DOCK9: variants seen among roughly 807,000 people sequenced by gnomAD.
DOCK9 encodes the protein dedicator of cytokinesis protein 9.
DOCK9 carries 89 observed loss-of-function variants against 263.3 expected under a neutral mutation model. The ratio of observed to expected loss-of-function variants is 0.34; its 90% CI spans 0.28 to 0.40. The LOEUF (loss-of-function observed/expected upper bound fraction) is 0.40, where lower values mean the gene tolerates loss of function less well. Ranked by LOEUF, DOCK9 falls within the 10% of genes least tolerant of loss-of-function variation. The pLI is 1.00. For synonymous variants in DOCK9, 976 were observed against 973.1 expected (o/e 1.00, Z -0.06); for missense variants, 2,140 against 2,603.4 (o/e 0.82, Z 3.87).
intron 15 of DOCK9, among the ~76,000 whole-genome samples, chr13:98,891,679 T>C (rs1236391108): frequency 6.6e-6 from 1 of 152,210 alleles, no homozygotes; most frequent in African/African-American, 2.4e-5. Flanking sequence ...CTATAGTTAT[T>C]TCTTATTCTA....
At chr13:98,997,995 G>A (rs564917072) in intron 1 of DOCK9, among the ~76,000 whole-genome samples, 1 of 152,322 alleles carries the variant, frequency 6.6e-6, no homozygotes, top group East Asian at 1.9e-4. Flanking sequence ...AGGCCATTCT[G>A]CTCTTCCAAG....
At chr13:99,007,568 T>C (rs1452263832) in intron 1 of DOCK9, among the ~76,000 whole-genome samples, 1 of 152,152 alleles carries the variant, frequency 6.6e-6, no homozygotes, top group Non-Finnish European at 1.5e-5. Flanking sequence ...TGAATATCCA[T>C]GAAATAGCTA....
At chr13:98,851,669 G>A (rs1250794240) in intron 35 of DOCK9, among the ~76,000 whole-genome samples, 3 of 152,200 alleles carry the variant, frequency 2.0e-5, no homozygotes, top group Non-Finnish European at 4.4e-5. Context: ...TGGAATAAAT[G>A]AAAGAGTAGC....
intron 4 of DOCK9, among the ~76,000 whole-genome samples, chr13:98,923,986 T>C (rs2052508554): frequency 6.6e-6 from 1 of 152,164 alleles, no homozygotes; most frequent in Non-Finnish European, 1.5e-5. Flanking sequence ...CCTCTCTTTC[T>C]CATCACACAT....
intron 1 of DOCK9, among the ~76,000 whole-genome samples, chr13:99,068,750 G>A (rs971241326): frequency 2.6e-5 from 4 of 151,788 alleles, no homozygotes; most frequent in Admixed American, 2.6e-4. Context: ...TATAAGAATA[G>A]CGAAGGAAAA....
In DOCK9 at chr13:98,978,039, C is replaced by G. The variant is rs139736096; in HGVS notation, c.-130G>C. 0.036 allele frequency: 51,934 copies of G among 1,446,870 alleles called. 1,122 individuals are homozygous for G. Among genetic ancestry groups the G allele is most frequent in the South Asian group, 0.06 (3,977 of 66,796 alleles). The allele number at this position is 1,446,870 out of a possible 1,614,324, so 89.6% of individuals were successfully genotyped here. A position where few individuals can be genotyped will look rare whatever the true frequency, so the allele number is the denominator to read the frequency against. ...TGGCTTCCCAGGCACAAGTGGTCAGCCCCGCTGGCTGGGTCTGCAGAGCCT... is the reference window on the plus strand; with the variant it reads ...TGGCTTCCCAGGCACAAGTGGTCAGGCCCGCTGGCTGGGTCTGCAGAGCCT... On this transcript the variant is annotated 5_prime_UTR_variant, in exon 1 of 53. Coordinates refer to ENST00000682017, the MANE Select transcript of DOCK9 (RefSeq NM_001366683.2).
chr13:98,822,272 A>G (rs2092317439), intron 45 of DOCK9, among the ~76,000 whole-genome samples: 2 of 152,310 alleles, frequency 1.3e-5, no homozygotes, highest in South Asian at 4.2e-4. Flanking sequence ...AGGGGACTCC[A>G]TTCACAATTT....
intron 15 of DOCK9, among the ~76,000 whole-genome samples, chr13:98,891,741 C>A (rs1445367297): frequency 1.3e-5 from 2 of 151,822 alleles, no homozygotes; most frequent in Non-Finnish European, 2.9e-5. Context: ...TCTGTAAAGA[C>A]GTTCTTTCCA....
intron 1 of DOCK9, among the ~76,000 whole-genome samples, chr13:98,965,666 T>C (rs1276206613): frequency 2.0e-5 from 3 of 152,198 alleles, no homozygotes; most frequent in South Asian, 4.1e-4. Context: ...ACACATGTAA[T>C]CTAAATACTA....
rs146828880 is a variant in DOCK9, at chr13:98,893,693, C to T, written c.1709+3795G>A. 1.8e-3 allele frequency among the ~76,000 whole-genome samples: 270 copies of T among 152,188 alleles called. 4 individuals are homozygous for T. The highest frequency in any genetic ancestry group is 6.0e-3 in the African/African-American group (250 of 41,500). On this transcript the variant is annotated intron_variant, in intron 15 of 52. Transcript: ENST00000682017. The stretch of plus-strand genomic sequence containing the variant: ...AGAAACAATAGCTTTGGATCCAAGC[C>T]GGTGCCCAGGCCACTGACATGAGAT...
chr13:98,824,692 C>T (rs1011917195), intron 44 of DOCK9, among the ~76,000 whole-genome samples, 188 bp from the exon 45 acceptor site: 15 of 152,158 alleles, frequency 9.9e-5, no homozygotes, highest in African/African-American at 3.6e-4. Flanking sequence ...ATAGTGAACC[C>T]TAACCTCTTT....
chr13:98,797,507 A>AT lies in DOCK9; in HGVS notation c.5917-19dup, dbSNP rs757676999. 2 of 1,590,016 alleles carry AT rather than the reference A, an allele frequency of 1.3e-6. No individual in the cohort carries two copies. The highest frequency in any genetic ancestry group is 4.5e-5 in the East Asian group (2 of 44,504). ...GCATTGACCTAGACAAAGAGCAAAG[A>AT]TTTTCAGTTCCACTAGGAAGAAAAT... On this transcript the variant is annotated intron_variant, in intron 50 of 52. Coordinates refer to ENST00000682017, the MANE Select transcript of DOCK9 (RefSeq NM_001366683.2).
chr13:98,969,357 G>A (rs1440270203), intron 1 of DOCK9, among the ~76,000 whole-genome samples: 10 of 152,068 alleles, frequency 6.6e-5, no homozygotes, highest in Non-Finnish European at 1.2e-4. Flanking sequence ...AAATGAAAAC[G>A]TGAATGATTT....
In DOCK9 at chr13:98,888,153, C is replaced by T; in HGVS notation, c.2043+5G>A. The T allele has an allele frequency of 6.3e-7, 1 of 1,576,914 alleles. No individual in the cohort carries two copies. The highest frequency in any genetic ancestry group is 8.6e-7 in the Non-Finnish European group (1 of 1,164,612). On this transcript the variant is annotated splice_donor_5th_base_variant and intron_variant, in intron 18 of 52. Coordinates refer to ENST00000682017, the MANE Select transcript of DOCK9 (RefSeq NM_001366683.2). ...TAGGTGAACATATATTAAAAAAAAACAAACCTTAAGGGGCTGAGAGTCTTC... is the reference window on the plus strand; with the variant it reads ...TAGGTGAACATATATTAAAAAAAAATAAACCTTAAGGGGCTGAGAGTCTTC...
At chr13:98,856,314 A>T in intron 33 of DOCK9, 1 of 250,864 alleles carries the variant, frequency 4.0e-6, no homozygotes, top group Non-Finnish European at 7.6e-6. Context: ...ATGTGATAGA[A>T]TGAAGACTTA....
intron 1 of DOCK9, among the ~76,000 whole-genome samples, chr13:98,969,989 T>G (rs2059575450): frequency 6.6e-6 from 1 of 152,186 alleles, no homozygotes; most frequent in Non-Finnish European, 1.5e-5. Context: ...ATCTGTTGGC[T>G]GTGTTGTTTT....
chr13:98,890,412 A>T (rs1341263476), intron 15 of DOCK9, among the ~76,000 whole-genome samples: 1 of 152,172 alleles, frequency 6.6e-6, no homozygotes, highest in African/African-American at 2.4e-5. Context: ...ACACGTGGTA[A>T]ATACATTCTG....
chr13:98,995,988 G>A (rs1476837080), intron 1 of DOCK9, among the ~76,000 whole-genome samples: 1 of 152,148 alleles, frequency 6.6e-6, no homozygotes, highest in East Asian at 1.9e-4. Flanking sequence ...AGTAGGGTAA[G>A]CACGGTGCAG....
chr13:98,859,249 C>T (rs1307077372), intron 33 of DOCK9: 5 of 152,184 alleles, frequency 3.3e-5, no homozygotes. Context: ...AATGGAAACT[C>T]GTGACAGCAG....
Sources: gnomAD v4.1 joint callset for allele counts (sites outside exome capture counted in the v4.1 genomes callset) on GRCh38, gnomAD v4.1.1 for gene constraint, MANE v1.5 for transcripts, NCBI Gene and HGNC (gene_info 2026-07-23, HGNC 2026-07-21) for gene names.